Variants in SRXN1 observed in about 807,000 individuals in gnomAD.
SRXN1 encodes sulfiredoxin 1, also known as sulfiredoxin-1.
A neutral mutation model predicts 11.0 loss-of-function variants in SRXN1; 11 were observed. The observed-to-expected ratio is 1.00, with a 90% confidence interval of 0.63 to 1.65. The LOEUF (loss-of-function observed/expected upper bound fraction) is 1.65, where lower values mean the gene tolerates loss of function less well. SRXN1 is among the 40% of genes most tolerant of loss of function. The probability of loss-of-function intolerance (pLI) is 0.00; values close to 1 mark genes in which losing one functional copy is unlikely to be tolerated. For synonymous variants in SRXN1, 106 were observed against 92.8 expected (o/e 1.14, Z -0.82); for missense variants, 211 against 194.5 (o/e 1.08, Z -0.50).
rs377253983 is a variant in SRXN1, at chr20:648,780, C to A, written c.348G>T (p.Lys116Asn). ...QQLQRETIPA[K>N]LVQSTLSDLR... ...GGTCTGAGAGAGTGGACTGGACAAGCTTGGCGGGGATGGTCTCTCGCTGCA... is the reference window on the plus strand; with the variant it reads ...GGTCTGAGAGAGTGGACTGGACAAGATTGGCGGGGATGGTCTCTCGCTGCA... The change falls in exon 2 of 2, where the codon AAG (lysine) becomes AAT (asparagine). Residue 116 changes from lysine to asparagine, a missense_variant. Lys to Asn is a moderately conservative substitution (Grantham distance 94). Coordinates refer to ENST00000381962, the MANE Select transcript of SRXN1 (RefSeq NM_080725.3). 2 of 1,614,226 alleles carry A rather than the reference C, an allele frequency of 1.2e-6. No individual in the cohort carries two copies. Among genetic ancestry groups the A allele is most frequent in the Non-Finnish European group, 1.7e-6 (2 of 1,180,036 alleles).
intron 1 of SRXN1, among the ~76,000 whole-genome samples, chr20:652,663 G>GCCA (rs142627411): frequency 0.026 from 4,030 of 152,288 alleles, 147 homozygotes; most frequent in South Asian, 0.15. Context: ...CTGCAAAAGA[G>GCCA]CCACTATCTA....
In SRXN1 at chr20:648,906, G is replaced by C. The variant is rs556061182; in HGVS notation, c.222C>G (p.Asp74Glu). ...SLVDTIREDP[D>E]SVPPIDVLWI... The stretch of plus-strand genomic sequence containing the variant: ...AGAGGACATCGATGGGGGGCACGCT[G>C]TCTGGGTCCTCCTGGGGAGAAGAGG... The change falls in exon 2 of 2, where the codon GAC becomes GAG. Residue 74 changes from aspartate to glutamate, a missense_variant. Transcript: ENST00000381962. 3.1e-6 allele frequency: 5 copies of C among 1,614,124 alleles called. No homozygotes were observed. In the Admixed American group the frequency reaches 8.3e-5, roughly 27 times the overall value.
rs772846744 is a variant in SRXN1 at position 648,484 on chromosome 20, C to T, written c.*230G>A. On this transcript the variant is annotated 3_prime_UTR_variant, in exon 2 of 2. Coordinates refer to ENST00000381962, the MANE Select transcript of SRXN1 (RefSeq NM_080725.3). ...ATCTCTGTTCTCCTTCTCGGTAATG[C>T]TTCAAGGGTAAGGCCATGATCCTAT... is the stretch of plus-strand genomic sequence containing the variant. 9.1e-6 allele frequency: 6 copies of T among 658,822 alleles called. No homozygotes were observed. In the East Asian group the frequency reaches 1.7e-4, roughly 19 times the overall value. 40.8% of individuals were successfully genotyped at this position (658,822 alleles called of 1,614,324 possible).
rs912180093 is a variant in SRXN1, at chr20:652,890, G to C, written c.210+86C>G. ...GCTGGGCCCGGAACCAGTCCGTCTC[G>C]CGTCCATCGCAGCGACCTCCCTCCT... On this transcript the variant is annotated intron_variant, in intron 1 of 1. Coordinates refer to ENST00000381962, the MANE Select transcript of SRXN1 (RefSeq NM_080725.3). 4 of 1,305,700 alleles carry C rather than the reference G, an allele frequency of 3.1e-6. No individual in the cohort carries two copies. In the African/African-American group the frequency reaches 6.1e-5, roughly 20 times the overall value. The allele number at this position is 1,305,700 out of a possible 1,614,324, so 80.9% of individuals were successfully genotyped here.
rs1039003731 is a variant in SRXN1 at position 647,738 on chromosome 20, T to C, written c.*976A>G. ...AGGTGTGAGCAGCAGAACTGCCCTG[T>C]TGAGCCCAGCCCAAATTGCCAACCC... is the stretch of plus-strand genomic sequence containing the variant. On this transcript the variant is annotated 3_prime_UTR_variant, in exon 2 of 2. Transcript: ENST00000381962. 12 of 335,662 alleles carry C rather than the reference T, an allele frequency of 3.6e-5. No homozygotes were observed. Among genetic ancestry groups the C allele is most frequent in the South Asian group, 2.2e-4 (9 of 41,052 alleles). 20.8% of individuals were successfully genotyped at this position (335,662 alleles called of 1,614,324 possible).
chr20:651,859 C>G (rs952508116), intron 1 of SRXN1, among the ~76,000 whole-genome samples: 1 of 151,980 alleles, frequency 6.6e-6, no homozygotes, highest in Non-Finnish European at 1.5e-5. Flanking sequence ...AGGTTCTCAA[C>G]GGGAGAAAAA....
chr20:650,021 A>C (rs1983633436), intron 1 of SRXN1, among the ~76,000 whole-genome samples: 1 of 152,216 alleles, frequency 6.6e-6, no homozygotes, highest in Non-Finnish European at 1.5e-5. Flanking sequence ...TTGAAACCAG[A>C]GCACGTTCAC....
At position 648,265 on chromosome 20, in the gene SRXN1, A is replaced by C; in HGVS notation, c.*449T>G. ...CTACCTTCGTGGAGTTGTTGAACCA[A>C]TACCATTAGCCACCCATCTCCAGAA... On this transcript the variant is annotated 3_prime_UTR_variant, in exon 2 of 2. Coordinates refer to ENST00000381962, the MANE Select transcript of SRXN1 (RefSeq NM_080725.3). 2.2e-6 allele frequency: 1 copy of C among 456,898 alleles called. No homozygotes were observed. The highest frequency in any genetic ancestry group is 4.4e-6 in the Non-Finnish European group (1 of 227,384). 28.3% of individuals were successfully genotyped at this position (456,898 alleles called of 1,614,324 possible).
rs1403902208 is a variant in SRXN1, at chr20:653,036, G to C, written c.150C>G (p.Ile50Met). 4.5e-6 allele frequency: 7 copies of C among 1,569,964 alleles called. No individual in the cohort carries two copies. The highest frequency in any genetic ancestry group is 2.4e-5 in the South Asian group (2 of 85,088). ...AVHNVPLSVLIRPLPSVLDPA... is the reference protein window; with the variant it reads ...AVHNVPLSVLMRPLPSVLDPA... Reference sequence around the variant, plus strand: ...GGTCCAACACGGACGGCAGCGGCCGGATGAGCACGCTCAGCGGCACGTTGT... The same window carrying C: ...GGTCCAACACGGACGGCAGCGGCCGCATGAGCACGCTCAGCGGCACGTTGT... The change falls in exon 1 of 2, where the codon ATC becomes ATG. Residue 50 changes from isoleucine (I) to methionine (M), a missense_variant. Ile to Met is a conservative substitution (Grantham distance 10). Coordinates refer to ENST00000381962, the MANE Select transcript of SRXN1 (RefSeq NM_080725.3).
chr20:651,246 C>T (rs1057095804), intron 1 of SRXN1, among the ~76,000 whole-genome samples: 1 of 152,184 alleles, frequency 6.6e-6, no homozygotes, highest in African/African-American at 2.4e-5. Context: ...CCATTTTGGA[C>T]TTCTGACCAT....
In SRXN1 at chr20:653,184, A is replaced by ATCG. The variant is rs1983727485; in HGVS notation, c.-2_1dup (p.Gln1_?0). 1 of 1,235,852 alleles carries ATCG rather than the reference A, an allele frequency of 8.1e-7. No individual in the cohort carries two copies. The highest frequency in any genetic ancestry group is 1.0e-6 in the Non-Finnish European group (1 of 991,306). 76.6% of individuals were successfully genotyped at this position (1,235,852 alleles called of 1,614,324 possible). On this transcript the variant is annotated start_lost and start_retained_variant, in exon 1 of 2. Coordinates refer to ENST00000381962, the MANE Select transcript of SRXN1 (RefSeq NM_080725.3). ...CAGCGTTCCTCCTGCACGCAGCCCCATCGTCGCCGCCGCCGCGGGACTCGC... is the reference window on the plus strand; with the variant it reads ...CAGCGTTCCTCCTGCACGCAGCCCCATCGTCGTCGCCGCCGCCGCGGGACTCGC...
At position 647,960 on chromosome 20, in the gene SRXN1, CCTG is replaced by C; in HGVS notation, c.*751_*753del. The C allele has an allele frequency of 2.4e-6, 1 of 408,682 alleles. No individual in the cohort carries two copies. The highest frequency in any genetic ancestry group is 7.1e-5 in the East Asian group (1 of 14,072). The allele number at this position is 408,682 out of a possible 1,614,324, so 25.3% of individuals were successfully genotyped here. A position where few individuals can be genotyped will look rare whatever the true frequency, so the allele number is the denominator to read the frequency against. On this transcript the variant is annotated 3_prime_UTR_variant, in exon 2 of 2. Transcript: ENST00000381962. ...CTATTCAGCCATGACAATTCTGTTC[CCTG>C]CTGTCTTAGCTTTGTTTGCAGCTAG...
Position 647,654 on chromosome 20 carries a change from T to C in SRXN1, c.*1060A>G, listed in dbSNP as rs1001169053. 5 of 257,786 alleles carry C rather than the reference T, an allele frequency of 1.9e-5. No individual in the cohort carries two copies. Among genetic ancestry groups the C allele is most frequent in the South Asian group, 4.6e-5 (1 of 21,850 alleles). The allele number at this position is 257,786 out of a possible 1,614,324, so 16.0% of individuals were successfully genotyped here. On this transcript the variant is annotated 3_prime_UTR_variant, in exon 2 of 2. Coordinates refer to ENST00000381962, the MANE Select transcript of SRXN1 (RefSeq NM_080725.3). ...CCTGCCAGGCAAGTGAGTAAGGCTA[T>C]CCTAGACCATCCAGGCCCAGCTGAG...
rs532923315 is a variant in SRXN1, at chr20:652,918, G to A, written c.210+58C>T. 9.6e-4 allele frequency: 906 copies of A among 941,196 alleles called. 3 individuals carry two copies. In the African/African-American group the frequency reaches 0.016, roughly 17 times the overall value. The allele number at this position is 941,196 out of a possible 1,614,324, so 58.3% of individuals were successfully genotyped here. ...TCCATCGCAGCGACCTCCCTCCTCC[G>A]GCAACCTCCCTCCTCCGAAGCCCTC... On this transcript the variant is annotated intron_variant, in intron 1 of 1. Coordinates refer to ENST00000381962, the MANE Select transcript of SRXN1 (RefSeq NM_080725.3).
Position 648,413 on chromosome 20 carries a change from T to G in SRXN1, c.*301A>C. On this transcript the variant is annotated 3_prime_UTR_variant, in exon 2 of 2. Coordinates refer to ENST00000381962, the MANE Select transcript of SRXN1 (RefSeq NM_080725.3). ...CATAGACAAAAATGCAGAGGGATCC[T>G]TGTCCTTGGGAATTTGGAGCCGGCA... 1.7e-6 allele frequency: 1 copy of G among 571,604 alleles called. No individual in the cohort carries two copies. Among genetic ancestry groups the G allele is most frequent in the Non-Finnish European group, 3.3e-6 (1 of 301,536 alleles). 35.4% of individuals were successfully genotyped at this position (571,604 alleles called of 1,614,324 possible). A position where few individuals can be genotyped will look rare whatever the true frequency, so the allele number is the denominator to read the frequency against.
At position 648,432 on chromosome 20, in the gene SRXN1, GC is replaced by G; in HGVS notation, c.*281del. On this transcript the variant is annotated 3_prime_UTR_variant, in exon 2 of 2. Coordinates refer to ENST00000381962, the MANE Select transcript of SRXN1 (RefSeq NM_080725.3). ...GGATCCTTGTCCTTGGGAATTTGGA[GC>G]CGGCAGCACGTGGCTCTTCAAGCCC... 2 of 599,480 alleles carry G rather than the reference GC, an allele frequency of 3.3e-6. No homozygotes were observed. The highest frequency in any genetic ancestry group is 3.1e-6 in the Non-Finnish European group (1 of 319,008). 37.1% of individuals were successfully genotyped at this position (599,480 alleles called of 1,614,324 possible).
chr20:648,752 T>A lies in SRXN1; in HGVS notation c.376A>T (p.Arg126Trp). 6.2e-7 allele frequency: 1 copy of A among 1,614,244 alleles called. No individual in the cohort carries two copies. The highest frequency in any genetic ancestry group is 1.6e-4 in the Middle Eastern group (1 of 6,062). Reference protein sequence around the residue: ...KLVQSTLSDLRVYLGASTPDL... With the variant: ...KLVQSTLSDLWVYLGASTPDL... ...GGTGTGGATGCTCCCAGGTACACCCTTAGGTCTGAGAGAGTGGACTGGACA... is the reference window on the plus strand; with the variant it reads ...GGTGTGGATGCTCCCAGGTACACCCATAGGTCTGAGAGAGTGGACTGGACA... Residue 126 changes from arginine (R) to tryptophan (W), a missense_variant, in exon 2 of 2, where the codon AGG (arginine) becomes TGG (tryptophan). Coordinates refer to ENST00000381962, the MANE Select transcript of SRXN1 (RefSeq NM_080725.3).
At position 653,142 on chromosome 20, in the gene SRXN1, C is replaced by G. The variant is rs1983724060; in HGVS notation, c.44G>C (p.Gly15Ala). Residue 15 changes from glycine (G) to alanine (A), a missense_variant, in exon 1 of 2, where the codon GGT (glycine) becomes GCT (alanine). Gly to Ala is a moderately conservative substitution (Grantham distance 60). Transcript: ENST00000381962. Reference sequence around the variant, plus strand: ...CCCGGGCCCCTCGGGCGCCCCCCGACCCGCGCCGGCCCTGCCCAGCGTTCC... The same window carrying G: ...CCCGGGCCCCTCGGGCGCCCCCCGAGCCGCGCCGGCCCTGCCCAGCGTTCC... ...AGGTLGRAGA[G>A]RGAPEGPGPS... 1.6e-6 allele frequency: 2 copies of G among 1,276,432 alleles called. No individual in the cohort carries two copies. Among genetic ancestry groups the G allele is most frequent in the Non-Finnish European group, 2.0e-6 (2 of 1,017,290 alleles). 79.1% of individuals were successfully genotyped at this position (1,276,432 alleles called of 1,614,324 possible).
chr20:648,105 G>A lies in SRXN1; in HGVS notation c.*609C>T, dbSNP rs745638271. 11 of 456,180 alleles carry A rather than the reference G, an allele frequency of 2.4e-5. No individual in the cohort carries two copies. The highest frequency in any genetic ancestry group is 1.4e-4 in the South Asian group (9 of 64,576). The allele number at this position is 456,180 out of a possible 1,614,324, so 28.3% of individuals were successfully genotyped here. A position where few individuals can be genotyped will look rare whatever the true frequency, so the allele number is the denominator to read the frequency against. The stretch of plus-strand genomic sequence containing the variant: ...TTTCTGATAGAAGGTGACGGGTCCA[G>A]CTAGTTTGGCCCTTCCTCTTCCTCC... On this transcript the variant is annotated 3_prime_UTR_variant, in exon 2 of 2. Transcript: ENST00000381962.
Sources: gnomAD v4.1 joint callset for allele counts (sites outside exome capture counted in the v4.1 genomes callset) on GRCh38, gnomAD v4.1.1 for gene constraint, MANE v1.5 for transcripts, NCBI Gene and HGNC (gene_info 2026-07-23, HGNC 2026-07-21) for gene names.